The following ADI1 variants were observed in gnomAD, a reference collection of about 807,000 sequenced individuals.
ADI1 encodes acireductone dioxygenase 1, also known as acireductone dioxygenase.
Under a neutral mutation model 18.7 loss-of-function variants are expected in ADI1, and 21 were observed. The observed-to-expected ratio is 1.13, with a 90% CI of 0.80 to 1.62. The LOEUF (loss-of-function observed/expected upper bound fraction) is 1.62, where lower values mean the gene tolerates loss of function less well. Ranked by LOEUF, ADI1 falls within the 40% of genes most tolerant of loss-of-function variation. ADI1 has a pLI of 0.00. For synonymous variants in ADI1, 90 were observed against 100.1 expected (o/e 0.90, Z 0.60); for missense variants, 245 against 254.9 (o/e 0.96, Z 0.26).
At position 3,500,872 on chromosome 2, in the gene ADI1, T is replaced by C; in HGVS notation, c.362A>G (p.Lys121Arg). ...CGCGGGGAGCGTCACCATGTCTCCC[T>C]TCTCCATGAAGATCCGGATCCACTG... The part of the protein sequence containing the change: ...EDQWIRIFME[K>R]GDMVTLPAGI... The change falls in exon 3 of 4, where the codon AAG (lysine) becomes AGG (arginine). Residue 121 changes from lysine (K) to arginine (R), a missense_variant. Lys to Arg is a conservative substitution (Grantham distance 26, BLOSUM62 2). Coordinates refer to ENST00000327435, the MANE Select transcript of ADI1 (RefSeq NM_018269.4). 1 of 1,614,216 alleles carries C rather than the reference T, an allele frequency of 6.2e-7. No individual in the cohort carries two copies. The highest frequency in any genetic ancestry group is 8.5e-7 in the Non-Finnish European group (1 of 1,180,028).
chr2:3,500,690 C>A, intron 3 of ADI1, 124 bp downstream of exon 3: 3 of 1,257,936 alleles, frequency 2.4e-6, no homozygotes, highest in Non-Finnish European at 3.4e-6. Flanking sequence ...AAGCACAGGT[C>A]GAGGAGTCCC....
At chr2:3,500,299 A>G (rs1418763016) in intron 3 of ADI1, among the ~76,000 whole-genome samples, 1 of 150,992 alleles carries the variant, frequency 6.6e-6, no homozygotes, top group Non-Finnish European at 1.5e-5. Context: ...CATTACCCCA[A>G]TCGCCTCCAG....
At chr2:3,513,759 C>T (rs1478387760) in intron 2 of ADI1, 98 bp downstream of exon 2, 4 of 1,313,204 alleles carry the variant, frequency 3.0e-6, no homozygotes, top group South Asian at 3.3e-5. Context: ...CAAGAATGGC[C>T]TCATACAGAC....
chr2:3,499,990 G>A (rs4410320), intron 3 of ADI1, among the ~76,000 whole-genome samples: 30,059 of 151,592 alleles, frequency 0.2, 3,144 homozygotes, highest in East Asian at 0.28. Flanking sequence ...GCTTGAGCTT[G>A]GGAGGTGGAG....
intron 2 of ADI1, among the ~76,000 whole-genome samples, chr2:3,506,757 A>T (rs1261057815): frequency 1.3e-5 from 2 of 152,268 alleles, no homozygotes; most frequent in African/African-American, 4.8e-5. Flanking sequence ...GAAGAAGAAC[A>T]AAGTTGAAGA....
Position 3,500,860 on chromosome 2 carries a change from A to C in ADI1, c.374T>G (p.Val125Gly). ...IRIFMEKGDM[V>G]TLPAGIYHRF... ...GTGATAGATCCCCGCGGGGAGCGTC[A>C]CCATGTCTCCCTTCTCCATGAAGAT... Residue 125 changes from valine (V) to glycine (G), a missense_variant, in exon 3 of 4, where the codon GTG becomes GGG. Transcript: ENST00000327435. The C allele has an allele frequency of 6.2e-7, 1 of 1,614,160 alleles. No individual in the cohort carries two copies. The highest frequency in any genetic ancestry group is 8.5e-7 in the Non-Finnish European group (1 of 1,180,012).
intron 1 of ADI1, chr2:3,515,627 C>T (rs1667389535): frequency 6.6e-6 from 1 of 152,084 alleles, no homozygotes; most frequent in Non-Finnish European, 1.5e-5. Context: ...TTTGTTAGAC[C>T]CTTATTAGTA....
chr2:3,518,575 C>T (rs1163754222), intron 1 of ADI1, among the ~76,000 whole-genome samples: 1 of 152,204 alleles, frequency 6.6e-6, no homozygotes, highest in Admixed American at 6.5e-5. Flanking sequence ...CGGGCCCAGC[C>T]GGGACCCAAG....
intron 3 of ADI1, among the ~76,000 whole-genome samples, chr2:3,499,628 CA>C (rs999387930): frequency 1.5e-4 from 23 of 152,058 alleles, no homozygotes; most frequent in African/African-American, 5.6e-4. Flanking sequence ...TTCACAAGAG[CA>C]AAAAATTGAG....
chr2:3,512,688 G>A (rs1667316544), intron 2 of ADI1, among the ~76,000 whole-genome samples: 1 of 152,230 alleles, frequency 6.6e-6, no homozygotes, highest in Non-Finnish European at 1.5e-5. Flanking sequence ...GCAGAAGTCT[G>A]TTGCAGGGTA....
At chr2:3,504,598 T>G (rs150671320) in intron 2 of ADI1, among the ~76,000 whole-genome samples, 1 of 152,328 alleles carries the variant, frequency 6.6e-6, no homozygotes, top group African/African-American at 2.4e-5. Flanking sequence ...ACACGACAGA[T>G]CTATTTTTGA....
chr2:3,508,348 A>AC (rs1558427714), intron 2 of ADI1, among the ~76,000 whole-genome samples: 1 of 150,258 alleles, frequency 6.7e-6, no homozygotes, highest in African/African-American at 2.4e-5. Flanking sequence ...AAAAAAAAAA[A>AC]AAAAAAAAAA....
chr2:3,514,195 C>T (rs1667351550), intron 1 of ADI1, among the ~76,000 whole-genome samples: 1 of 152,194 alleles, frequency 6.6e-6, no homozygotes, highest in Non-Finnish European at 1.5e-5. Context: ...TTGATTTCTG[C>T]CTCCCTTCTC....
At chr2:3,516,995 G>A in intron 1 of ADI1, 3 of 953,074 alleles carry the variant, frequency 3.1e-6, no homozygotes, top group Non-Finnish European at 3.7e-6. Flanking sequence ...CAAAGTGCTG[G>A]GATGACAGAA....
intron 1 of ADI1, chr2:3,514,827 T>C: frequency 3.9e-6 from 6 of 1,549,140 alleles, no homozygotes; most frequent in Non-Finnish European, 5.2e-6. Context: ...AACTCCAGTG[T>C]TGCAGGAAGT....
At chr2:3,513,333 G>C (rs574502009) in intron 2 of ADI1, among the ~76,000 whole-genome samples, 2 of 152,194 alleles carry the variant, frequency 1.3e-5, no homozygotes, top group Non-Finnish European at 2.9e-5. Context: ...TTTGGGAGGG[G>C]CCGGGGCAGA....
At chr2:3,504,902 T>A (rs1294788593) in intron 2 of ADI1, among the ~76,000 whole-genome samples, 2 of 152,208 alleles carry the variant, frequency 1.3e-5, no homozygotes, top group African/African-American at 4.8e-5. Flanking sequence ...GTTTGCGTTG[T>A]TGGTTCACCT....
At chr2:3,509,221 T>C (rs1210043249) in intron 2 of ADI1, among the ~76,000 whole-genome samples, 2 of 151,922 alleles carry the variant, frequency 1.3e-5, no homozygotes, top group Non-Finnish European at 2.9e-5. Context: ...GATAGACAAA[T>C]CCACTATTAC....
Position 3,513,843 on chromosome 2 carries a change from C to A in ADI1, c.240+14G>T. ...AATGATACTTCTTTTCCAGGTAATC[C>A]AGGGCTCCCTTACCTTTTCTTCATA... On this transcript the variant is annotated intron_variant, in intron 2 of 3. Transcript: ENST00000327435. 3 of 1,583,960 alleles carry A rather than the reference C, an allele frequency of 1.9e-6. No homozygotes were observed. The highest frequency in any genetic ancestry group is 2.6e-6 in the Non-Finnish European group (3 of 1,171,692).
Sources: gnomAD v4.1 joint callset for allele counts (sites outside exome capture counted in the v4.1 genomes callset) on GRCh38, gnomAD v4.1.1 for gene constraint, MANE v1.5 for transcripts, NCBI Gene and HGNC (gene_info 2026-07-23, HGNC 2026-07-21) for gene names.